The following XCR1 variants were observed in gnomAD, a reference collection of about 807,000 sequenced individuals.
XCR1 encodes chemokine XC receptor 1.
For missense variants in XCR1, 356 were observed against 424.2 expected (o/e 0.84, Z 1.41); for synonymous variants, 187 against 188.5 (o/e 0.99, Z 0.06).
intron 1 of XCR1, among the ~76,000 whole-genome samples, chr3:46,081,694 C>CT (rs66818091): frequency 0.056 from 7,886 of 141,674 alleles, 343 homozygotes; most frequent in African/African-American, 0.14. Flanking sequence ...TTCTTTTTTT[C>CT]TTTTTTTTTT....
chr3:46,063,279 G>T (rs1363804311), intron 4 of XCR1, among the ~76,000 whole-genome samples: 2 of 152,172 alleles, frequency 1.3e-5, no homozygotes, highest in African/African-American at 2.4e-5. Context: ...GTGGGAAGCT[G>T]CTACTAATCC....
intron 5 of XCR1, among the ~76,000 whole-genome samples, chr3:46,042,991 C>A (rs775224831): frequency 2.6e-5 from 4 of 151,870 alleles, no homozygotes; most frequent in African/African-American, 9.7e-5. Flanking sequence ...AGAGATTTAT[C>A]CCTGAATGCA....
chr3:46,021,034 A>C lies in XCR1; in HGVS notation c.914T>G (p.Phe305Cys). ...GGGTGCCTGCAGCCGGCAGAACCAG[A>C]ACTGCCGGAGAACATGTTTCAGGTG... ...RTHLKHVLRQ[F>C]WFCRLQAPSP... The change falls in exon 2 of 2, where the codon TTC (phenylalanine) becomes TGC (cysteine). Residue 305 changes from phenylalanine (F) to cysteine (C), a missense_variant. By Grantham distance (205) the Phe-to-Cys change is radical. Transcript: ENST00000309285. This position sits in a 1 kb window ranked among gnomAD's most constrained non-coding sequence, Gnocchi z 4.7. 1 of 1,614,016 alleles carries C rather than the reference A, an allele frequency of 6.2e-7. No individual in the cohort carries two copies. The highest frequency in any genetic ancestry group is 8.5e-7 in the Non-Finnish European group (1 of 1,179,934).
At chr3:46,028,527 G>T (rs1223119754), upstream of XCR1, among the ~76,000 whole-genome samples, 2 of 146,982 alleles carry the variant, frequency 1.4e-5, no homozygotes, top group African/African-American at 2.5e-5. Context: ...CTCATTCCTT[G>T]GGTTTCTTTT....
At chr3:46,033,875 A>G (rs904651055) in intron 5 of XCR1, among the ~76,000 whole-genome samples, 25 of 152,102 alleles carry the variant, frequency 1.6e-4, no homozygotes, top group African/African-American at 4.3e-4. Context: ...TAAATTCTGT[A>G]TATATTTTAT....
chr3:46,020,030 C>A lies in XCR1; in HGVS notation c.*916G>T, dbSNP rs1019811712. ...TTGGAGTGTGGGTGGGTGGGGGGAGCTACCACCATCAACCAAATAGGAGGA... is the reference window on the plus strand; with the variant it reads ...TTGGAGTGTGGGTGGGTGGGGGGAGATACCACCATCAACCAAATAGGAGGA... On this transcript the variant is annotated 3_prime_UTR_variant, in exon 2 of 2. Transcript: ENST00000309285. 6.6e-6 allele frequency: 1 copy of A among 152,216 alleles called. No individual in the cohort carries two copies. Among genetic ancestry groups the A allele is most frequent in the Admixed American group, 6.5e-5 (1 of 15,280 alleles). 9.4% of individuals were successfully genotyped at this position (152,216 alleles called of 1,614,324 possible).
rs143826668 is a variant in XCR1, at chr3:46,033,788, C to T, written c.-31-11810G>A. On this transcript the variant is annotated intron_variant, in intron 5 of 5. Transcript: ENST00000683768. ...TCTTGACAATATTGAGTCTTCTTAT[C>T]CTTAAACATGGAATATTGCTCCATT... 5.2e-3 allele frequency among the ~76,000 whole-genome samples: 798 copies of T among 152,194 alleles called. 4 individuals are homozygous for T. The highest frequency in any genetic ancestry group is 9.0e-3 in the Non-Finnish European group (610 of 67,998).
Position 46,021,488 on chromosome 3 carries a change from A to G in XCR1, c.460T>C (p.Trp154Arg), listed in dbSNP as rs775845176. 1 of 1,613,724 alleles carries G rather than the reference A, an allele frequency of 6.2e-7. No homozygotes were observed. The highest frequency in any genetic ancestry group is 1.7e-5 in the Admixed American group (1 of 59,970). The change falls in exon 2 of 2, where the codon TGG becomes CGG. Residue 154 changes from tryptophan to arginine, a missense_variant. Physicochemically the swap from Trp to Arg is moderately radical, Grantham distance 101. Coordinates refer to ENST00000309285, the MANE Select transcript of XCR1 (RefSeq NM_001024644.2). The surrounding 1 kb of genome is among the most constrained non-coding windows in gnomAD (Gnocchi z 4.7). ...RCRVLVTMAV[W>R]VASILSSILD... ...ATGGAGGACAGGATGCTGGCTACCC[A>G]CACAGCCATGGTCACCAGCACCCGG...
intron 5 of XCR1, among the ~76,000 whole-genome samples, chr3:46,037,047 C>G (rs572286134): frequency 2.0e-5 from 3 of 152,006 alleles, no homozygotes; most frequent in African/African-American, 4.8e-5. Flanking sequence ...GTTATGATAT[C>G]GGGAAATATA....
intron 1 of XCR1, among the ~76,000 whole-genome samples, chr3:46,083,763 G>C (rs140028307): frequency 5.9e-5 from 9 of 152,296 alleles, no homozygotes; most frequent in Non-Finnish European, 1.2e-4. Context: ...TGGATATGTG[G>C]TGGCAAATAC....
At chr3:46,026,060 G>GA (rs954170422) in intron 1 of XCR1, among the ~76,000 whole-genome samples, 28 of 151,970 alleles carry the variant, frequency 1.8e-4, no homozygotes, top group Middle Eastern at 6.8e-3. Context: ...ATAGAATAAA[G>GA]AAAAAAACTA....
At chr3:46,067,773 G>C (rs1698102385) in intron 3 of XCR1, among the ~76,000 whole-genome samples, 1 of 152,124 alleles carries the variant, frequency 6.6e-6, no homozygotes. Context: ...GTTTTGAAAA[G>C]TGCATAGGGG....
intron 4 of XCR1, among the ~76,000 whole-genome samples, chr3:46,064,453 G>A (rs982318696): frequency 1.3e-5 from 2 of 152,108 alleles, no homozygotes; most frequent in African/African-American, 4.8e-5. Context: ...GTTAAATATG[G>A]CTGCAAATTC....
chr3:46,084,446 C>T (rs1244585248), intron 1 of XCR1, among the ~76,000 whole-genome samples: 1 of 152,176 alleles, frequency 6.6e-6, no homozygotes, highest in Non-Finnish European at 1.5e-5. Context: ...CTCTTGAAGC[C>T]ACTTGCTATG....
chr3:46,081,752 A>G (rs1281857739), intron 1 of XCR1, among the ~76,000 whole-genome samples: 1 of 151,694 alleles, frequency 6.6e-6, no homozygotes, highest in Non-Finnish European at 1.5e-5. Flanking sequence ...GCTTTGTTAT[A>G]AGGGCATATT....
intron 1 of XCR1, among the ~76,000 whole-genome samples, chr3:46,085,252 C>T (rs888380977): frequency 2.0e-5 from 3 of 149,470 alleles, no homozygotes; most frequent in African/African-American, 2.5e-5. Context: ...AAACACAACT[C>T]ATCACACCGC....
intron 5 of XCR1, among the ~76,000 whole-genome samples, chr3:46,049,376 A>G (rs1329242927): frequency 2.0e-5 from 3 of 152,200 alleles, no homozygotes; most frequent in African/African-American, 4.8e-5. Flanking sequence ...GAAACACAGA[A>G]CCAATCAGTT....
Position 46,021,728 on chromosome 3 carries a change from A to G in XCR1, c.220T>C (p.Cys74Arg), listed in dbSNP as rs775189347. The change falls in exon 2 of 2, where the codon TGC becomes CGC. Residue 74 changes from cysteine to arginine, a missense_variant. Cys to Arg is a radical substitution (Grantham distance 180). Coordinates refer to ENST00000309285, the MANE Select transcript of XCR1 (RefSeq NM_001024644.2). The surrounding 1 kb of genome is among the most constrained non-coding windows in gnomAD (Gnocchi z 4.7). ...CAGGCGAACACCAGGTCTGAGAGGC[A>G]CAGGTTGAGGATGAAGATGTTGGTG... ...SLTNIFILNLCLSDLVFACLL... is the reference protein window; with the variant it reads ...SLTNIFILNLRLSDLVFACLL... 6.2e-7 allele frequency: 1 copy of G among 1,614,094 alleles called. No homozygotes were observed. The highest frequency in any genetic ancestry group is 8.5e-7 in the Non-Finnish European group (1 of 1,180,026).
At chr3:46,052,247 CT>C (rs1040441496) in intron 5 of XCR1, among the ~76,000 whole-genome samples, 30 of 152,294 alleles carry the variant, frequency 2.0e-4, no homozygotes, top group African/African-American at 7.0e-4. Context: ...TAATCCTGCA[CT>C]TCCTGGTGTT....
Sources: allele counts gnomAD v4.1 joint callset (sites outside exome capture counted in the v4.1 genomes callset), GRCh38; gene constraint gnomAD v4.1.1; non-coding constraint Gnocchi (gnomAD v3.1); transcripts MANE v1.5; gene names NCBI Gene and HGNC (gene_info 2026-07-23, HGNC 2026-07-21).